Variants in UTS2B observed in about 807,000 individuals in gnomAD.
UTS2B encodes the protein urotensin-2B.
Under a neutral mutation model 19.2 loss-of-function variants are expected in UTS2B, and 21 were observed. That is an observed-to-expected ratio of 1.09 (90% CI 0.78 to 1.58). The LOEUF (loss-of-function observed/expected upper bound fraction) is 1.58. Ranked by LOEUF, UTS2B falls within the 40% of genes most tolerant of loss-of-function variation. UTS2B has a pLI of 0.00. For synonymous variants in UTS2B, 57 were observed against 50.2 expected (o/e 1.14, Z -0.58); for missense variants, 138 against 130.3 (o/e 1.06, Z -0.29).
intron 4 of UTS2B, among the ~76,000 whole-genome samples, chr3:191,292,600 G>C (rs1056362495): frequency 6.6e-6 from 1 of 152,140 alleles, no homozygotes; most frequent in Non-Finnish European, 1.5e-5. Context: ...TCAACAAATA[G>C]AGACAGTTTT....
At chr3:191,275,490 C>T (rs1716208621) in intron 7 of UTS2B, 145 bp from the exon 8 acceptor site, 2 of 599,952 alleles carry the variant, frequency 3.3e-6, no homozygotes, top group Admixed American at 5.5e-5. Flanking sequence ...ACCATCCTGG[C>T]TAACACAGTG....
intron 8 of UTS2B, among the ~76,000 whole-genome samples, chr3:191,271,062 G>A (rs1201984861): frequency 6.6e-6 from 1 of 151,902 alleles, no homozygotes; most frequent in Non-Finnish European, 1.5e-5. Flanking sequence ...AATTAGCTGA[G>A]GGTGGTGGCC....
chr3:191,329,781 C>G lies in UTS2B; in HGVS notation c.-665+633G>C, dbSNP rs1216149650. 4.5e-6 allele frequency: 7 copies of G among 1,569,178 alleles called. No individual in the cohort carries two copies. In the South Asian group the frequency reaches 5.8e-5, roughly 13 times the overall value. On this transcript the variant is annotated intron_variant, in intron 1 of 8. Transcript: ENST00000340524. The stretch of plus-strand genomic sequence containing the variant: ...CTCCCCTCTCCCAGCCCGAGGTTCT[C>G]TCAGGTCAGGGGCGTTGCCATTTCG...
chr3:191,268,571 C>T (rs943658286), intron 8 of UTS2B, 130 bp from the exon 9 acceptor site: 6 of 588,718 alleles, frequency 1.0e-5, no homozygotes, highest in Non-Finnish European at 1.8e-5. Flanking sequence ...ATTGTAGCTA[C>T]TAGCCTCATG....
intron 5 of UTS2B, among the ~76,000 whole-genome samples, chr3:191,280,346 G>A (rs1716351323): frequency 6.6e-6 from 1 of 152,132 alleles, no homozygotes; most frequent in Admixed American, 6.5e-5. Flanking sequence ...CCAGATGTAA[G>A]TGGGGAGGAT....
intron 7 of UTS2B, 64 bp from the exon 8 acceptor site, chr3:191,275,409 G>A (rs555092345): frequency 1.7e-5 from 23 of 1,348,710 alleles, no homozygotes; most frequent in African/African-American, 2.9e-5. Flanking sequence ...GACCGGGCGC[G>A]GTGGCTTATG....
the UTS2B span, among the ~76,000 whole-genome samples, chr3:191,338,728 T>C: frequency 6.6e-6 from 1 of 152,234 alleles, no homozygotes; most frequent in Non-Finnish European, 1.5e-5. Context: ...ATTTTACTTT[T>C]ACTTTTTGTT....
intron 4 of UTS2B, among the ~76,000 whole-genome samples, chr3:191,289,333 T>C (rs1441862568): frequency 1.3e-5 from 2 of 151,330 alleles, no homozygotes; most frequent in African/African-American, 2.4e-5. Context: ...GGCGTAAACC[T>C]GGGAGACAGA....
intron 8 of UTS2B, 67 bp downstream of exon 8, chr3:191,275,185 C>G: frequency 8.1e-7 from 1 of 1,229,454 alleles, no homozygotes; most frequent in Non-Finnish European, 1.2e-6. Context: ...AATCTTCTTC[C>G]TCTCAGAAAT....
the UTS2B span, among the ~76,000 whole-genome samples, chr3:191,343,536 C>T: frequency 6.6e-6 from 1 of 152,188 alleles, no homozygotes; most frequent in Non-Finnish European, 1.5e-5. Context: ...AATTTAAAAA[C>T]AGCAGAAGTG....
rs146127232 is a variant in UTS2B, at chr3:191,276,576, C to A, written c.240+231G>T. ...GTAATTGCAAAGCTAAAATTAGAATCCAGATTTCTAGACATTATAAAGAAT... is the reference window on the plus strand; with the variant it reads ...GTAATTGCAAAGCTAAAATTAGAATACAGATTTCTAGACATTATAAAGAAT... On this transcript the variant is annotated intron_variant, in intron 7 of 8. Coordinates refer to ENST00000340524, the MANE Select transcript of UTS2B (RefSeq NM_198152.5). Among the ~76,000 whole-genome samples the A allele has an allele frequency of 5.5e-4, 84 of 152,276 alleles. 1 individual carries two copies. The East Asian group carries it at 0.014, about 26-fold the overall frequency.
Position 191,298,653 on chromosome 3 carries a change from T to G in UTS2B, c.-125+5839A>C, listed in dbSNP as rs137868399. On this transcript the variant is annotated intron_variant, in intron 4 of 8. Coordinates refer to ENST00000340524, the MANE Select transcript of UTS2B (RefSeq NM_198152.5). ...GTGAGAATGGACTAATACAGAAAAT[T>G]GGTACCAAGGAGTGGAGCACTGTTA... Among the ~76,000 whole-genome samples the G allele has an allele frequency of 5.0e-4, 76 of 152,326 alleles. 2 individuals carry two copies. The highest frequency in any genetic ancestry group is 1.7e-3 in the African/African-American group (71 of 41,574).
the UTS2B span, among the ~76,000 whole-genome samples, chr3:191,345,231 C>CA: frequency 2.0e-5 from 3 of 151,978 alleles, no homozygotes; most frequent in East Asian, 3.9e-4. Flanking sequence ...TTACTCCCAG[C>CA]AAAAAAAGGT....
chr3:191,338,256 C>T, the UTS2B span, among the ~76,000 whole-genome samples: 2 of 152,280 alleles, frequency 1.3e-5, no homozygotes, highest in East Asian at 1.9e-4. Context: ...GTAGCATCTT[C>T]CCACCAAATA....
At chr3:191,277,139 G>A (rs1716259112) in intron 6 of UTS2B, among the ~76,000 whole-genome samples, 1 of 151,990 alleles carries the variant, frequency 6.6e-6, no homozygotes, top group Non-Finnish European at 1.5e-5. Context: ...ATTTTTGCTG[G>A]CATGTGGAAA....
At chr3:191,283,268 TA>T (rs1716437359) in intron 4 of UTS2B, among the ~76,000 whole-genome samples, 1 of 152,214 alleles carries the variant, frequency 6.6e-6, no homozygotes, top group South Asian at 2.1e-4. Context: ...ATTAGACTAC[TA>T]ATTCATGAAT....
At position 191,316,721 on chromosome 3, in the gene UTS2B, ACTTGATTAG is replaced by A. The variant is rs200237645; in HGVS notation, c.-585-291_-585-283del. Among the ~76,000 whole-genome samples the A allele has an allele frequency of 8.8e-3, 1,337 of 152,330 alleles. 11 individuals carry two copies. The highest frequency in any genetic ancestry group is 0.014 in the Non-Finnish European group (926 of 68,024). On this transcript the variant is annotated intron_variant, in intron 2 of 8. Transcript: ENST00000340524. ...AGCCATAAAAGTTCTCCAAGTCCCC[ACTTGATTAG>A]CTAGACACAGAGCACTGATCGGTGC...
intron 4 of UTS2B, among the ~76,000 whole-genome samples, chr3:191,288,459 A>G (rs1467802768): frequency 1.3e-5 from 2 of 152,268 alleles, no homozygotes; most frequent in African/African-American, 4.8e-5. Flanking sequence ...TAGAAATCCC[A>G]GAAGTAAATC....
At chr3:191,339,953 A>G in the UTS2B span, among the ~76,000 whole-genome samples, 1 of 152,258 alleles carries the variant, frequency 6.6e-6, no homozygotes, top group East Asian at 1.9e-4. Flanking sequence ...AGCAGCAGCA[A>G]TGAAGAAAGC....
Sources: allele counts gnomAD v4.1 joint callset (sites outside exome capture counted in the v4.1 genomes callset), GRCh38; gene constraint gnomAD v4.1.1; transcripts MANE v1.5; gene names NCBI Gene and HGNC (gene_info 2026-07-23, HGNC 2026-07-21).